Variants in CRK observed in about 807,000 individuals in gnomAD.
The protein encoded by CRK is CRK proto-oncogene, adaptor protein.
Under a neutral mutation model 29.8 loss-of-function variants are expected in CRK, and 4 were observed. The ratio of observed to expected loss-of-function variants is 0.13; its 90% confidence interval spans 0.07 to 0.31. CRK has a LOEUF of 0.31. Among genes scored for constraint, CRK ranks in the 10% least tolerant of loss-of-function variants. The pLI is 1.00. For synonymous variants in CRK, 153 were observed against 164.9 expected (o/e 0.93, Z 0.55); for missense variants, 274 against 396.5 (o/e 0.69, Z 2.62).
intron 1 of CRK, among the ~76,000 whole-genome samples, chr17:1,441,423 G>A (rs546276470): frequency 1.3e-5 from 2 of 152,168 alleles, no homozygotes; most frequent in Admixed American, 1.3e-4. Flanking sequence ...CAAACTCCTG[G>A]GCTCAAGATA....
intron 1 of CRK, among the ~76,000 whole-genome samples, chr17:1,442,315 C>T (rs965490796): frequency 6.6e-6 from 1 of 151,648 alleles, no homozygotes; most frequent in African/African-American, 2.4e-5. Context: ...CCACACCTGG[C>T]CAGTTTTTGT....
chr17:1,420,945 A>G lies in CRK; in HGVS notation c.*2568T>C, dbSNP rs2073718495. 1 of 152,202 alleles carries G rather than the reference A, an allele frequency of 6.6e-6. No individual in the cohort carries two copies. Among genetic ancestry groups the G allele is most frequent in the African/African-American group, 2.4e-5 (1 of 41,460 alleles). 9.4% of individuals were successfully genotyped at this position (152,202 alleles called of 1,614,324 possible). ...TAAAAATTATCTATTTGCATTATTAACAATAAACAATTCCAACAAATTAAT... is the reference window on the plus strand; with the variant it reads ...TAAAAATTATCTATTTGCATTATTAGCAATAAACAATTCCAACAAATTAAT... On this transcript the variant is annotated 3_prime_UTR_variant, in exon 3 of 3. Transcript: ENST00000300574.
chr17:1,428,866 A>G (rs1307068746), intron 2 of CRK, among the ~76,000 whole-genome samples: 1 of 144,844 alleles, frequency 6.9e-6, no homozygotes, highest in Admixed American at 7.0e-5. Flanking sequence ...TTTTTTTTAG[A>G]TGGAGCCTCA....
chr17:1,442,491 T>A (rs989773536), intron 1 of CRK, among the ~76,000 whole-genome samples: 2 of 151,984 alleles, frequency 1.3e-5, no homozygotes, highest in Admixed American at 1.3e-4. Flanking sequence ...AGATTACAGA[T>A]GTGAGCCACT....
At chr17:1,451,561 TA>T (rs1321916472) in intron 1 of CRK, among the ~76,000 whole-genome samples, 1 of 151,952 alleles carries the variant, frequency 6.6e-6, no homozygotes, top group Non-Finnish European at 1.5e-5. Context: ...TTCTGGTCTT[TA>T]AAAAACCTGG....
chr17:1,440,684 G>A (rs1168551371), intron 1 of CRK, among the ~76,000 whole-genome samples: 2 of 151,956 alleles, frequency 1.3e-5, no homozygotes, highest in African/African-American at 4.8e-5. Context: ...AGGCCGAGGC[G>A]GGTGGATCAT....
chr17:1,444,482 G>A (rs1431939932), intron 1 of CRK, among the ~76,000 whole-genome samples: 2 of 151,306 alleles, frequency 1.3e-5, no homozygotes, highest in African/African-American at 2.4e-5. Flanking sequence ...TCAAGACTGC[G>A]CCACTGCCCT....
At chr17:1,431,439 C>T (rs1269534656) in intron 2 of CRK, among the ~76,000 whole-genome samples, 1 of 152,036 alleles carries the variant, frequency 6.6e-6, no homozygotes, top group Non-Finnish European at 1.5e-5. Flanking sequence ...TGAGGGGTAT[C>T]ATACCGGGGC....
Position 1,436,647 on chromosome 17 carries a change from G to C in CRK, c.750C>G (p.Ala250=). 1 of 1,609,346 alleles carries C rather than the reference G, an allele frequency of 6.2e-7. No homozygotes were observed. Among genetic ancestry groups the C allele is most frequent in the Non-Finnish European group, 8.5e-7 (1 of 1,178,526 alleles). ...ARVIQKRVPN[A]YDKTALALEV... ...CCAAAGCCAAGGCTGTCTTGTCGTAGGCATTGGGGACTCGCTTCTGGATAA... is the reference window on the plus strand; with the variant it reads ...CCAAAGCCAAGGCTGTCTTGTCGTACGCATTGGGGACTCGCTTCTGGATAA... The change falls in exon 2 of 3, where the codon GCC becomes GCG. Residue 250 remains alanine (A), a synonymous_variant. Coordinates refer to ENST00000300574, the MANE Select transcript of CRK (RefSeq NM_016823.4).
At chr17:1,427,030 C>CAAAAAAAAAAAAAAA (rs562515421) in intron 2 of CRK, among the ~76,000 whole-genome samples, 6 of 35,304 alleles carry the variant, frequency 1.7e-4, no homozygotes, top group South Asian at 1.7e-3. Flanking sequence ...AAACTGTCTC[C>CAAAAAAAAAAAAAAA]AAAAAAAAAA....
chr17:1,454,810 C>G (rs1201649035), intron 1 of CRK, among the ~76,000 whole-genome samples: 1 of 152,166 alleles, frequency 6.6e-6, no homozygotes, highest in Admixed American at 6.6e-5. Context: ...CACAAATCTC[C>G]AGTACTAAGG....
At chr17:1,442,142 C>T (rs914307073) in intron 1 of CRK, among the ~76,000 whole-genome samples, 2 of 138,256 alleles carry the variant, frequency 1.4e-5, no homozygotes, top group South Asian at 4.7e-4. Flanking sequence ...GAGGTGTGAG[C>T]CAGGGCGCCC....
intron 2 of CRK, among the ~76,000 whole-genome samples, chr17:1,430,177 T>C (rs935762685): frequency 3.3e-5 from 5 of 151,500 alleles, no homozygotes; most frequent in African/African-American, 1.2e-4. Flanking sequence ...CCCACGTAGT[T>C]GGGATTACAG....
intron 2 of CRK, among the ~76,000 whole-genome samples, chr17:1,430,589 T>C (rs1343557891): frequency 2.2e-5 from 3 of 139,314 alleles, no homozygotes; most frequent in African/African-American, 8.0e-5. Context: ...ATGGTCTCCA[T>C]TTCCTGACCT....
At chr17:1,445,433 C>T (rs2073968329) in intron 1 of CRK, among the ~76,000 whole-genome samples, 1 of 152,196 alleles carries the variant, frequency 6.6e-6, no homozygotes, top group African/African-American at 2.4e-5. Context: ...AGTGCCAGGA[C>T]TGTCCTCTAT....
intron 1 of CRK, among the ~76,000 whole-genome samples, chr17:1,441,703 G>A (rs1011422293): frequency 3.3e-5 from 5 of 151,792 alleles, no homozygotes; most frequent in Admixed American, 6.6e-5. Flanking sequence ...TCTTGGCCAG[G>A]CTGGTCTACA....
intron 1 of CRK, among the ~76,000 whole-genome samples, chr17:1,440,572 T>C (rs1307440363): frequency 2.0e-5 from 3 of 151,476 alleles, no homozygotes; most frequent in South Asian, 4.2e-4. Context: ...TTGAGGCCAG[T>C]AGTTCAAGAC....
At chr17:1,431,553 C>T (rs1270114911) in intron 2 of CRK, among the ~76,000 whole-genome samples, 1 of 151,660 alleles carries the variant, frequency 6.6e-6, no homozygotes, top group Non-Finnish European at 1.5e-5. Flanking sequence ...AACCCCATCT[C>T]TACTAAAAAT....
chr17:1,430,848 A>G (rs961668035), intron 2 of CRK, among the ~76,000 whole-genome samples: 1 of 151,502 alleles, frequency 6.6e-6, no homozygotes, highest in Non-Finnish European at 1.5e-5. Context: ...TGGGTGGATC[A>G]CGAGGTCAGC....
Sources: allele counts gnomAD v4.1 joint callset (sites outside exome capture counted in the v4.1 genomes callset), GRCh38; gene constraint gnomAD v4.1.1; transcripts MANE v1.5; gene names NCBI Gene and HGNC (gene_info 2026-07-23, HGNC 2026-07-21).